INPP4A: variants seen among roughly 807,000 people sequenced by gnomAD.
The protein encoded by INPP4A is inositol polyphosphate-4-phosphatase type I A, also known as inositol polyphosphate-4-phosphatase, type I, 107kD.
A neutral mutation model predicts 119.8 loss-of-function variants in INPP4A; 33 were observed. That is an observed-to-expected ratio of 0.28 (90% confidence interval 0.21 to 0.37). INPP4A has a LOEUF of 0.37. INPP4A is among the 10% of genes least tolerant of loss of function. INPP4A has a pLI of 1.00. For synonymous variants in INPP4A, 496 were observed against 500.7 expected, an observed-to-expected ratio of 0.99 and a Z score of 0.12; for missense variants, 956 against 1,289.9, an observed-to-expected ratio of 0.74 and a Z score of 3.97.
At chr2:98,518,138 A>G (rs928582675) in intron 1 of INPP4A, among the ~76,000 whole-genome samples, 3 of 152,250 alleles carry the variant, frequency 2.0e-5, no homozygotes, top group African/African-American at 7.2e-5. Flanking sequence ...AGCAGATATT[A>G]GTACTGTAAG....
intron 1 of INPP4A, among the ~76,000 whole-genome samples, chr2:98,460,654 G>A (rs1377943790): frequency 1.3e-5 from 2 of 152,146 alleles, no homozygotes; most frequent in Admixed American, 6.5e-5. Context: ...ATTGTGGGCC[G>A]CGACTTGGCC....
At chr2:98,545,470 T>A (rs1358535347) in intron 11 of INPP4A, among the ~76,000 whole-genome samples, 3 of 152,314 alleles carry the variant, frequency 2.0e-5, no homozygotes, top group African/African-American at 7.2e-5. Flanking sequence ...TTGATGGGCC[T>A]GCAGGGATGA....
intron 1 of INPP4A, among the ~76,000 whole-genome samples, chr2:98,486,168 T>G (rs1310163788): frequency 6.6e-6 from 1 of 152,172 alleles, no homozygotes; most frequent in East Asian, 1.9e-4. Flanking sequence ...GGTACTGTAA[T>G]TGTGTTGACT....
At chr2:98,533,136 C>A in intron 4 of INPP4A, among the ~76,000 whole-genome samples, 1 of 152,324 alleles carries the variant, frequency 6.6e-6, no homozygotes, top group Middle Eastern at 3.4e-3. Flanking sequence ...GGGAAGCCCC[C>A]GTCAGCGCAG....
At chr2:98,537,645 G>C (rs1369624952) in intron 7 of INPP4A, among the ~76,000 whole-genome samples, 1 of 152,160 alleles carries the variant, frequency 6.6e-6, no homozygotes, top group Non-Finnish European at 1.5e-5. Flanking sequence ...TGTGGTGCGT[G>C]TCCGTTCAGA....
At chr2:98,499,826 A>C (rs993345355) in intron 1 of INPP4A, among the ~76,000 whole-genome samples, 2 of 152,192 alleles carry the variant, frequency 1.3e-5, no homozygotes, top group Admixed American at 1.3e-4. Context: ...TCCTTTATGG[A>C]GAAGTAGTAA....
rs1254047572 is a variant in INPP4A at position 98,590,249 on chromosome 2, T to C, written c.*2641T>C. On this transcript the variant is annotated 3_prime_UTR_variant, in exon 25 of 25. Transcript: ENST00000409851. The stretch of plus-strand genomic sequence containing the variant: ...TGTTCTTGGGCATTGCATTGAGTGC[T>C]CGGGTGCTGAATACATGTTTGTAAA... The C allele has an allele frequency of 1.5e-5, 3 of 203,274 alleles. No individual in the cohort carries two copies. The highest frequency in any genetic ancestry group is 3.0e-5 in the Non-Finnish European group (3 of 98,962). 12.6% of individuals were successfully genotyped at this position (203,274 alleles called of 1,614,324 possible).
At chr2:98,465,025 T>G (rs959998237) in intron 1 of INPP4A, among the ~76,000 whole-genome samples, 9 of 152,218 alleles carry the variant, frequency 5.9e-5, no homozygotes, top group African/African-American at 2.2e-4. Flanking sequence ...CTAATGGGGA[T>G]TCTCGAGTTC....
At chr2:98,457,978 AT>A (rs766066774) in intron 1 of INPP4A, among the ~76,000 whole-genome samples, 4,547 of 137,110 alleles carry the variant, frequency 0.033, 43 homozygotes, top group Non-Finnish European at 0.045. Flanking sequence ...TTAAACAAAA[AT>A]TTTTTTTTTT....
chr2:98,513,579 T>C (rs904596536), intron 1 of INPP4A, among the ~76,000 whole-genome samples: 2 of 152,238 alleles, frequency 1.3e-5, no homozygotes, highest in Non-Finnish European at 2.9e-5. Flanking sequence ...GTCTTTGCTG[T>C]ATGCAGCACG....
intron 1 of INPP4A, among the ~76,000 whole-genome samples, chr2:98,502,851 A>C (rs1196722153): frequency 6.6e-6 from 1 of 152,100 alleles, no homozygotes; most frequent in Admixed American, 6.5e-5. Context: ...ATAGACCTGA[A>C]ATTGCTTGCC....
intron 1 of INPP4A, among the ~76,000 whole-genome samples, chr2:98,471,127 G>T (rs371129468): frequency 6.6e-6 from 1 of 152,182 alleles, no homozygotes; most frequent in East Asian, 1.9e-4. Flanking sequence ...TTAGCTGAGG[G>T]TGTTGGAGGT....
At chr2:98,453,987 A>G (rs1695658264) in intron 1 of INPP4A, among the ~76,000 whole-genome samples, 2 of 152,066 alleles carry the variant, frequency 1.3e-5, no homozygotes, top group Admixed American at 6.5e-5. Flanking sequence ...CACACCTGTA[A>G]TCCCAGCTAC....
chr2:98,496,254 AG>A (rs775263649), intron 1 of INPP4A, among the ~76,000 whole-genome samples: 16 of 152,312 alleles, frequency 1.1e-4, no homozygotes, highest in Non-Finnish European at 1.8e-4. Flanking sequence ...CAGTTGCTTG[AG>A]GGGCTTAGAA....
At chr2:98,474,895 T>C (rs1435039321) in intron 1 of INPP4A, among the ~76,000 whole-genome samples, 1 of 152,212 alleles carries the variant, frequency 6.6e-6, no homozygotes, top group African/African-American at 2.4e-5. Flanking sequence ...TTGGGGCTCC[T>C]GCAGTGGCTC....
intron 7 of INPP4A, among the ~76,000 whole-genome samples, chr2:98,537,524 C>G (rs1196875151): frequency 2.0e-5 from 3 of 152,190 alleles, no homozygotes; most frequent in African/African-American, 4.8e-5. Flanking sequence ...ACACGTGTCC[C>G]CCTCACCCTC....
At chr2:98,479,924 T>G (rs1284004491) in intron 1 of INPP4A, among the ~76,000 whole-genome samples, 1 of 152,146 alleles carries the variant, frequency 6.6e-6, no homozygotes, top group Non-Finnish European at 1.5e-5. Flanking sequence ...GTTTGTGACT[T>G]CCTAGAAAGC....
intron 4 of INPP4A, among the ~76,000 whole-genome samples, chr2:98,531,196 TAAAG>T (rs1251785981): frequency 3.3e-5 from 5 of 152,176 alleles, no homozygotes; most frequent in South Asian, 2.1e-4. Flanking sequence ...CAGACCTACT[TAAAG>T]AAACTTTAGG....
intron 1 of INPP4A, among the ~76,000 whole-genome samples, chr2:98,505,479 AG>A (rs1238987707): frequency 6.6e-6 from 1 of 152,200 alleles, no homozygotes; most frequent in Non-Finnish European, 1.5e-5. Context: ...GAGCTTTTGT[AG>A]GAGAGAGAGG....
Sources: allele counts gnomAD v4.1 joint callset (sites outside exome capture counted in the v4.1 genomes callset), GRCh38; gene constraint gnomAD v4.1.1; transcripts MANE v1.5; gene names NCBI Gene and HGNC (gene_info 2026-07-23, HGNC 2026-07-21).